Variants in RYR2 observed in about 807,000 individuals in gnomAD.
RYR2 encodes the protein ryanodine receptor 2.
Under a neutral mutation model 601.1 loss-of-function variants are expected in RYR2, and 227 were observed. That is an observed-to-expected ratio of 0.38 (90% CI 0.34 to 0.42). RYR2 has a LOEUF of 0.42. Among genes scored for constraint, RYR2 ranks in the 10% least tolerant of loss-of-function variants. The pLI is 1.00. For synonymous variants in RYR2, 2,223 were observed against 2,175.1 expected, an observed-to-expected ratio of 1.02 and a Z score of -0.61; for missense variants, 4,646 against 6,156.5, an observed-to-expected ratio of 0.75 and a Z score of 8.21.
intron 3 of RYR2, among the ~76,000 whole-genome samples, chr1:237,344,540 C>T (rs1172158659): frequency 2.0e-5 from 3 of 152,160 alleles, no homozygotes; most frequent in East Asian, 3.9e-4. Context: ...AAGTTTACCA[C>T]CCCTCGCTTC....
intron 25 of RYR2, among the ~76,000 whole-genome samples, chr1:237,534,749 C>G (rs1264191773): frequency 6.6e-6 from 1 of 151,894 alleles, no homozygotes; most frequent in Non-Finnish European, 1.5e-5. Context: ...TGAACCTATC[C>G]TTTTTTCATG....
At chr1:237,328,542 G>A (rs1158561191) in intron 2 of RYR2, among the ~76,000 whole-genome samples, 3 of 151,954 alleles carry the variant, frequency 2.0e-5, no homozygotes, top group African/African-American at 4.8e-5. Context: ...AAGTGATTGG[G>A]TTGGGTAAAC....
At chr1:237,205,926 C>A (rs1299070134) in intron 1 of RYR2, among the ~76,000 whole-genome samples, 1 of 152,204 alleles carries the variant, frequency 6.6e-6, no homozygotes, top group African/African-American at 2.4e-5. Context: ...TGAGTCAGAC[C>A]CGCGACTGGC....
chr1:237,401,576 G>C (rs183684529), intron 10 of RYR2, among the ~76,000 whole-genome samples: 1 of 152,156 alleles, frequency 6.6e-6, no homozygotes, highest in African/African-American at 2.4e-5. Context: ...AGAGCTTCTC[G>C]TTCCCTGTGG....
At chr1:237,560,877 T>C (rs1671379834) in intron 27 of RYR2, among the ~76,000 whole-genome samples, 1 of 152,184 alleles carries the variant, frequency 6.6e-6, no homozygotes, top group African/African-American at 2.4e-5. Flanking sequence ...ACATTGATGG[T>C]CCCGTTGAGG....
chr1:237,527,309 G>A (rs903976592), intron 24 of RYR2, among the ~76,000 whole-genome samples: 8 of 152,250 alleles, frequency 5.3e-5, no homozygotes, highest in Non-Finnish European at 7.4e-5. Flanking sequence ...AACTCAAAGT[G>A]TAGCAATTTA....
At chr1:237,065,256 C>T (rs1663422595) in intron 1 of RYR2, among the ~76,000 whole-genome samples, 1 of 138,936 alleles carries the variant, frequency 7.2e-6, no homozygotes, top group Non-Finnish European at 1.5e-5. Context: ...TCAAAGAGCT[C>T]TTGTGTGCTA....
rs2149335282 is a variant in RYR2 at position 237,778,668 on chromosome 1, T to G, written c.11778T>G (p.Gly3926=). The change falls in exon 88 of 105, where the codon GGT becomes GGG. Residue 3926 remains glycine (G), a splice_region_variant and synonymous_variant. Coordinates refer to ENST00000366574, the MANE Select transcript of RYR2 (RefSeq NM_001035.3). Reference sequence around the variant, plus strand: ...CCGTTTGTCTGTTTATGCTCCAGGGTCCTTGCACTGGGAATCAACAGAGTT... The same window carrying G: ...CCGTTTGTCTGTTTATGCTCCAGGGGCCTTGCACTGGGAATCAACAGAGTT... ...VFNTLTEYIQ[G]PCTGNQQSLA... The G allele has an allele frequency of 1.3e-6, 2 of 1,570,142 alleles. No individual in the cohort carries two copies. Among genetic ancestry groups the G allele is most frequent in the Non-Finnish European group, 1.8e-6 (2 of 1,142,326 alleles).
intron 1 of RYR2, among the ~76,000 whole-genome samples, chr1:237,222,481 G>A (rs143294260): frequency 2.0e-5 from 3 of 151,360 alleles, no homozygotes; most frequent in East Asian, 1.9e-4. Flanking sequence ...AGAGAGACAC[G>A]TTCTTAATGT....
At chr1:237,552,490 C>T (rs372090038) in intron 27 of RYR2, among the ~76,000 whole-genome samples, 7 of 152,010 alleles carry the variant, frequency 4.6e-5, no homozygotes, top group Admixed American at 2.6e-4. Context: ...GAACCACTAC[C>T]GAAAACACCT....
chr1:237,187,198 TCTCA>T (rs1679444585), intron 1 of RYR2, among the ~76,000 whole-genome samples: 1 of 150,062 alleles, frequency 6.7e-6, no homozygotes, highest in African/African-American at 2.5e-5. Flanking sequence ...TGAGGTGGGG[TCTCA>T]CTCTGTCGCT....
At chr1:237,495,914 G>A (rs575744792) in intron 19 of RYR2, among the ~76,000 whole-genome samples, 1 of 152,220 alleles carries the variant, frequency 6.6e-6, no homozygotes, top group Admixed American at 6.5e-5. Context: ...TGCTGAAGAG[G>A]AATTAAGACA....
At chr1:237,057,746 G>A (rs2148211116) in intron 1 of RYR2, among the ~76,000 whole-genome samples, 1 of 152,282 alleles carries the variant, frequency 6.6e-6, no homozygotes, top group East Asian at 1.9e-4. Context: ...GGTGATTGAT[G>A]TTGCAAGTTC....
At chr1:237,237,748 T>C (rs1368216765) in intron 1 of RYR2, among the ~76,000 whole-genome samples, 1 of 152,142 alleles carries the variant, frequency 6.6e-6, no homozygotes, top group African/African-American at 2.4e-5. Context: ...CCACTCCTAG[T>C]CTTTTCCGAA....
rs759371502 is a variant in RYR2 at position 237,496,661 on chromosome 1, T to C, written c.2112T>C (p.Ser704=). 3 of 1,613,952 alleles carry C rather than the reference T, an allele frequency of 1.9e-6. No homozygotes were observed. The highest frequency in any genetic ancestry group is 2.5e-6 in the Non-Finnish European group (3 of 1,179,874). ...GCTGGGCTTCCACTGAAGGATATTC[T>C]CCCTACCCTGGAGGGGGCGAAGAGT... The part of the protein sequence containing the change: ...RVGWASTEGY[S]PYPGGGEEWG... The change falls in exon 20 of 105, where the codon TCT becomes TCC. Residue 704 remains serine (S), a synonymous_variant. Transcript: ENST00000366574.
At chr1:237,658,301 G>T (rs1683443448) in intron 54 of RYR2, among the ~76,000 whole-genome samples, 1 of 86,894 alleles carries the variant, frequency 1.2e-5, no homozygotes, top group African/African-American at 2.9e-5. Flanking sequence ...TTGTTTATCA[G>T]AGTAAAAAAG....
intron 10 of RYR2, among the ~76,000 whole-genome samples, chr1:237,408,278 T>G (rs1208123372): frequency 6.6e-6 from 1 of 151,904 alleles, no homozygotes; most frequent in Non-Finnish European, 1.5e-5. Flanking sequence ...TACACATGTG[T>G]ATAAAGTTGT....
At chr1:237,233,955 G>C (rs1331204565) in intron 1 of RYR2, among the ~76,000 whole-genome samples, 1 of 152,100 alleles carries the variant, frequency 6.6e-6, no homozygotes, top group Non-Finnish European at 1.5e-5. Flanking sequence ...GCCTCCCAAA[G>C]TGCTGGGATT....
chr1:237,485,416 G>A (rs1354447839), intron 17 of RYR2, among the ~76,000 whole-genome samples: 1 of 152,138 alleles, frequency 6.6e-6, no homozygotes, highest in Non-Finnish European at 1.5e-5. Context: ...GCTCTCAAGG[G>A]CTCGTTCTGT....
Sources: allele counts gnomAD v4.1 joint callset (sites outside exome capture counted in the v4.1 genomes callset), GRCh38; gene constraint gnomAD v4.1.1; transcripts MANE v1.5; gene names NCBI Gene and HGNC (gene_info 2026-07-23, HGNC 2026-07-21).